NCAM2: variants seen among roughly 807,000 people sequenced by gnomAD.
NCAM2 encodes the protein neural cell adhesion molecule 2, also known as N-CAM-2.
NCAM2 carries 30 observed loss-of-function variants against 98.1 expected under a neutral mutation model. The observed-to-expected ratio is 0.31, with a 90% CI of 0.23 to 0.41. NCAM2 has a LOEUF of 0.41. Ranked by LOEUF, NCAM2 falls within the 10% of genes least tolerant of loss-of-function variation. NCAM2 has a pLI of 1.00. For synonymous variants in NCAM2, 368 were observed against 342.4 expected (o/e 1.07, Z -0.83); for missense variants, 867 against 1,005.8 (o/e 0.86, Z 1.87).
At chr21:21,422,749 A>T (rs759627188) in intron 11 of NCAM2, among the ~76,000 whole-genome samples, 6 of 152,180 alleles carry the variant, frequency 3.9e-5, no homozygotes, top group Non-Finnish European at 7.3e-5. Context: ...ATATTTTAAG[A>T]CTTCACCATA....
chr21:21,242,475 A>G (rs1478168433), intron 1 of NCAM2, among the ~76,000 whole-genome samples: 1 of 152,160 alleles, frequency 6.6e-6, no homozygotes, highest in Non-Finnish European at 1.5e-5. Context: ...CCTTTTAGCA[A>G]CATCTCCTCG....
intron 9 of NCAM2, among the ~76,000 whole-genome samples, chr21:21,398,176 A>G (rs2076554718): frequency 1.3e-5 from 2 of 152,226 alleles, no homozygotes; most frequent in South Asian, 4.1e-4. Context: ...AATGCCAAAC[A>G]TCAAATGTTC....
intron 1 of NCAM2, among the ~76,000 whole-genome samples, chr21:21,248,239 TA>T (rs201880891): frequency 6.6e-6 from 1 of 151,508 alleles, no homozygotes; most frequent in African/African-American, 2.4e-5. Context: ...AGAGCTTATT[TA>T]AAAAAAAACA....
At chr21:21,467,382 T>TTATATA (rs34963977) in intron 13 of NCAM2, among the ~76,000 whole-genome samples, 3 of 143,744 alleles carry the variant, frequency 2.1e-5, no homozygotes, top group Non-Finnish European at 3.0e-5. Flanking sequence ...ATATATATCT[T>TTATATA]TATATATATA....
At chr21:21,209,975 A>G (rs1021231126) in intron 1 of NCAM2, among the ~76,000 whole-genome samples, 2 of 152,184 alleles carry the variant, frequency 1.3e-5, no homozygotes, top group African/African-American at 4.8e-5. Flanking sequence ...ATAACTCAGG[A>G]TTAGTATGGG....
intron 5 of NCAM2, among the ~76,000 whole-genome samples, chr21:21,298,056 A>G (rs191701804): frequency 2.0e-5 from 3 of 151,894 alleles, no homozygotes; most frequent in Admixed American, 6.6e-5. Flanking sequence ...GTCTGAATGT[A>G]TAGTGCACTT....
Position 21,397,981 on chromosome 21 carries a change from C to T in NCAM2, c.1196-12293C>T, listed in dbSNP as rs189087640. On this transcript the variant is annotated intron_variant, in intron 9 of 17. Coordinates refer to ENST00000400546, the MANE Select transcript of NCAM2 (RefSeq NM_004540.5). ...AACACTTGCACATGCATGTTTATAG[C>T]AGCACAATTAGCAAATGCAAAAATA... is the stretch of plus-strand genomic sequence containing the variant. 3.0e-4 allele frequency among the ~76,000 whole-genome samples: 45 copies of T among 152,344 alleles called. 1 individual carries two copies. The East Asian group carries it at 5.8e-3, about 20-fold the overall frequency.
At chr21:21,286,641 C>T (rs990519417) in intron 4 of NCAM2, among the ~76,000 whole-genome samples, 2 of 151,742 alleles carry the variant, frequency 1.3e-5, no homozygotes, top group South Asian at 2.1e-4. Context: ...TATGCCCGTT[C>T]ACCACATACT....
chr21:21,381,913 C>A (rs2076161902), intron 9 of NCAM2, among the ~76,000 whole-genome samples: 1 of 151,962 alleles, frequency 6.6e-6, no homozygotes, highest in South Asian at 2.1e-4. Flanking sequence ...ATTAATTTAT[C>A]TTTCATCAAA....
intron 9 of NCAM2, among the ~76,000 whole-genome samples, chr21:21,394,563 A>G (rs1012299963): frequency 5.3e-4 from 69 of 129,642 alleles, no homozygotes; most frequent in Non-Finnish European, 4.6e-5. Flanking sequence ...ATCTTGGCTC[A>G]CTGCAAGCTC....
At chr21:21,198,981 C>A (rs578086905) in intron 1 of NCAM2, among the ~76,000 whole-genome samples, 8 of 152,142 alleles carry the variant, frequency 5.3e-5, no homozygotes, top group Non-Finnish European at 1.2e-4. Context: ...GGGTTACCTT[C>A]TGTTCTGGTT....
At chr21:21,015,670 A>T (rs2064292867) in intron 1 of NCAM2, among the ~76,000 whole-genome samples, 1 of 152,060 alleles carries the variant, frequency 6.6e-6, no homozygotes, top group African/African-American at 2.4e-5. Flanking sequence ...GATATCTCCA[A>T]GGTATGCCTG....
chr21:21,075,242 C>T lies in NCAM2; in HGVS notation c.55+76624C>T, dbSNP rs563503872. 9.2e-5 allele frequency among the ~76,000 whole-genome samples: 14 copies of T among 152,108 alleles called. 1 individual carries two copies. In the South Asian group the frequency reaches 2.1e-3, roughly 23 times the overall value. On this transcript the variant is annotated intron_variant, in intron 1 of 17. Coordinates refer to ENST00000400546, the MANE Select transcript of NCAM2 (RefSeq NM_004540.5). ...CAGGAGAAATACCTGATGTAGATGA[C>T]GGGTTGATGGATGCAGCAAACCACC...
chr21:21,524,931 C>T (rs928152150), intron 16 of NCAM2, among the ~76,000 whole-genome samples: 1 of 151,948 alleles, frequency 6.6e-6, no homozygotes, highest in Non-Finnish European at 1.5e-5. Context: ...AAGAAAAAAT[C>T]TCAAAAGAAA....
chr21:20,998,700 G>A, intron 1 of NCAM2, 82 bp downstream of exon 1: 1 of 1,312,892 alleles, frequency 7.6e-7, no homozygotes. Flanking sequence ...GGCGCAGGAA[G>A]AATGAAATGA....
chr21:21,229,338 G>T (rs539498490), intron 1 of NCAM2, among the ~76,000 whole-genome samples: 2 of 151,482 alleles, frequency 1.3e-5, no homozygotes, highest in South Asian at 4.1e-4. Context: ...TGTTGACTTT[G>T]TTCATGTCAA....
intron 1 of NCAM2, among the ~76,000 whole-genome samples, chr21:21,051,776 A>T (rs1396386533): frequency 6.6e-6 from 1 of 152,156 alleles, no homozygotes; most frequent in Non-Finnish European, 1.5e-5. Flanking sequence ...GGAGTCTCAT[A>T]CAATTGTAGG....
chr21:21,283,626 C>T (rs938345012), intron 2 of NCAM2, among the ~76,000 whole-genome samples: 14 of 151,798 alleles, frequency 9.2e-5, no homozygotes, highest in South Asian at 2.1e-4. Context: ...ATTATAAAAA[C>T]GGTCGTTGGC....
At chr21:21,436,443 T>G (rs1244432516) in intron 12 of NCAM2, among the ~76,000 whole-genome samples, 1 of 152,242 alleles carries the variant, frequency 6.6e-6, no homozygotes, top group Admixed American at 6.5e-5. Context: ...AATGAGTGAC[T>G]GCCAAGTGGC....
Sources: allele counts gnomAD v4.1 joint callset (sites outside exome capture counted in the v4.1 genomes callset), GRCh38; gene constraint gnomAD v4.1.1; transcripts MANE v1.5; gene names NCBI Gene and HGNC (gene_info 2026-07-23, HGNC 2026-07-21).